Variants in ITPRID1 observed in about 807,000 individuals in gnomAD.
ITPRID1 encodes protein ITPRID1.
A neutral mutation model predicts 95.4 loss-of-function variants in ITPRID1; 96 were observed. The observed-to-expected ratio is 1.01, with a 90% CI of 0.85 to 1.19. The LOEUF (loss-of-function observed/expected upper bound fraction) is 1.19. Among genes scored for constraint, ITPRID1 ranks in the 50% most tolerant of loss-of-function variants. The pLI, the probability that ITPRID1 is intolerant of heterozygous loss-of-function variation, is 0.00. For missense variants in ITPRID1, 1,339 were observed against 1,252.9 expected (o/e 1.07, Z -1.04); for synonymous variants, 510 against 453.6 (o/e 1.12, Z -1.58).
intron 12 of ITPRID1, among the ~76,000 whole-genome samples, chr7:31,644,413 C>G (rs1172526842): frequency 6.6e-6 from 1 of 152,136 alleles, no homozygotes; most frequent in East Asian, 1.9e-4. Flanking sequence ...TAAGAAGAAC[C>G]CTGTAAAGCA....
chr7:31,657,540 T>C (rs1256991045), downstream of ITPRID1, among the ~76,000 whole-genome samples: 2 of 152,208 alleles, frequency 1.3e-5, no homozygotes, highest in Non-Finnish European at 2.9e-5. Context: ...GGAATGCTTT[T>C]AAACCACCAT....
At chr7:31,554,341 T>A (rs1464637841) in intron 3 of ITPRID1, 134 bp from the exon 4 acceptor site, 5 of 1,355,182 alleles carry the variant, frequency 3.7e-6, no homozygotes, top group Middle Eastern at 1.9e-4. Context: ...GGAAAAAAAA[T>A]GAATATGCTT....
At chr7:31,547,334 G>A (rs868118354) in intron 1 of ITPRID1, among the ~76,000 whole-genome samples, 14 of 152,270 alleles carry the variant, frequency 9.2e-5, no homozygotes, top group Middle Eastern at 6.8e-3. Flanking sequence ...AAAGGAAAGA[G>A]GTTTAATTGA....
intron 10 of ITPRID1, among the ~76,000 whole-genome samples, chr7:31,614,944 G>T (rs1787064147): frequency 1.3e-5 from 2 of 152,138 alleles, no homozygotes; most frequent in Admixed American, 6.5e-5. Flanking sequence ...CTCACTGAGG[G>T]TCCATTGCTA....
chr7:31,535,435 G>T (rs1034888891), intron 1 of ITPRID1, among the ~76,000 whole-genome samples: 13 of 151,754 alleles, frequency 8.6e-5, no homozygotes, highest in Non-Finnish European at 1.6e-4. Flanking sequence ...GATAGACTCA[G>T]TAGATATGTA....
chr7:31,518,870 G>A (rs752068952), intron 1 of ITPRID1, among the ~76,000 whole-genome samples: 1 of 152,196 alleles, frequency 6.6e-6, no homozygotes, highest in Non-Finnish European at 1.5e-5. Flanking sequence ...CCACAGAGCA[G>A]ACATTTCCTG....
chr7:31,545,312 G>T (rs1784061666), intron 1 of ITPRID1, among the ~76,000 whole-genome samples: 1 of 152,078 alleles, frequency 6.6e-6, no homozygotes, highest in South Asian at 2.1e-4. Context: ...AACTTGGATT[G>T]CAGTGATGTT....
intron 10 of ITPRID1, among the ~76,000 whole-genome samples, chr7:31,602,031 T>C (rs1354368263): frequency 6.6e-6 from 1 of 152,148 alleles, no homozygotes; most frequent in Non-Finnish European, 1.5e-5. Flanking sequence ...GCAGGCTTTA[T>C]GATAAGGGGT....
chr7:31,643,426 C>A lies in ITPRID1; in HGVS notation c.2056C>A (p.Gln686Lys). ...QVKSRSGTLG[Q>K]ILPGTEAEME... is the part of the protein sequence containing the mutation. Reference sequence around the variant, plus strand: ...GAAGTCAAGGTCTGGTACTTTGGGTCAGATACTACCTGGGACAGAAGCTGA... The same window carrying A: ...GAAGTCAAGGTCTGGTACTTTGGGTAAGATACTACCTGGGACAGAAGCTGA... The change falls in exon 12 of 15, where the codon CAG becomes AAG. Residue 686 changes from glutamine to lysine, a missense_variant. Transcript: ENST00000615280. 6.2e-7 allele frequency: 1 copy of A among 1,613,986 alleles called. No homozygotes were observed. Among genetic ancestry groups the A allele is most frequent in the South Asian group, 1.1e-5 (1 of 91,060 alleles).
intron 10 of ITPRID1, among the ~76,000 whole-genome samples, chr7:31,590,112 A>G (rs1431995114): frequency 6.6e-6 from 1 of 152,148 alleles, no homozygotes; most frequent in Non-Finnish European, 1.5e-5. Context: ...TCTGTAGCCC[A>G]GGTTGAAGTG....
chr7:31,648,239 T>C (rs1790657099), intron 12 of ITPRID1, among the ~76,000 whole-genome samples: 1 of 152,146 alleles, frequency 6.6e-6, no homozygotes, highest in Non-Finnish European at 1.5e-5. Context: ...CTCTTACCAT[T>C]GAAGTTAAAG....
chr7:31,575,819 C>G (rs1233084838), intron 8 of ITPRID1, among the ~76,000 whole-genome samples: 1 of 152,096 alleles, frequency 6.6e-6, no homozygotes, highest in Non-Finnish European at 1.5e-5. Flanking sequence ...ACTTGGAGTT[C>G]TCATTTTAGC....
At chr7:31,538,845 T>C (rs1377982273) in intron 1 of ITPRID1, among the ~76,000 whole-genome samples, 1 of 152,216 alleles carries the variant, frequency 6.6e-6, no homozygotes. Flanking sequence ...TTTGTATTTC[T>C]TGAAGAAACA....
chr7:31,634,478 G>C (rs986567642), intron 10 of ITPRID1, among the ~76,000 whole-genome samples: 1 of 152,104 alleles, frequency 6.6e-6, no homozygotes, highest in Non-Finnish European at 1.5e-5. Flanking sequence ...TTCCCTATGA[G>C]GGGACAGACT....
rs70986698 is a variant in ITPRID1, at chr7:31,654,053, C to CAAAAA, written c.*1239_*1243dup. Among the ~76,000 whole-genome samples the CAAAAA allele has an allele frequency of 1.5e-5, 2 of 130,364 alleles. No individual in the cohort carries two copies. Among genetic ancestry groups the CAAAAA allele is most frequent in the Admixed American group, 7.7e-5 (1 of 13,006 alleles). 85.5% of individuals were successfully genotyped at this position (130,364 alleles called of 152,430 possible). On this transcript the variant is annotated 3_prime_UTR_variant, in exon 15 of 15. Coordinates refer to ENST00000615280, the MANE Select transcript of ITPRID1 (RefSeq NM_001257967.3). ...GAAAGAGTTGGATGAAGAGTAAGTCCAAAAAAAAAAAAAAAAAAACCAACA... is the reference window on the plus strand; with the variant it reads ...GAAAGAGTTGGATGAAGAGTAAGTCCAAAAAAAAAAAAAAAAAAAAAAAACCAACA...
intron 10 of ITPRID1, among the ~76,000 whole-genome samples, chr7:31,585,550 A>C (rs1785561345): frequency 6.6e-6 from 1 of 152,136 alleles, no homozygotes; most frequent in African/African-American, 2.4e-5. Context: ...TAAGACTAGG[A>C]CTTTGTGTGG....
chr7:31,550,208 T>A (rs1299352585), intron 2 of ITPRID1, among the ~76,000 whole-genome samples: 1 of 152,146 alleles, frequency 6.6e-6, no homozygotes, highest in South Asian at 2.1e-4. Flanking sequence ...CTCTTTTTTT[T>A]TTTTTTTGGT....
chr7:31,571,235 C>T (rs1291851558), intron 6 of ITPRID1, among the ~76,000 whole-genome samples: 1 of 152,040 alleles, frequency 6.6e-6, no homozygotes, highest in Non-Finnish European at 1.5e-5. Context: ...ACCATCTTGG[C>T]CAGGCTGCTC....
intron 1 of ITPRID1, among the ~76,000 whole-genome samples, chr7:31,546,425 A>G (rs1328659573): frequency 6.6e-6 from 1 of 151,936 alleles, no homozygotes; most frequent in East Asian, 1.9e-4. Flanking sequence ...GTGCGTGCGC[A>G]TATAACTGTG....
Sources: gnomAD v4.1 joint callset for allele counts (sites outside exome capture counted in the v4.1 genomes callset) on GRCh38, gnomAD v4.1.1 for gene constraint, MANE v1.5 for transcripts, NCBI Gene and HGNC (gene_info 2026-07-23, HGNC 2026-07-21) for gene names.